CTNNA3: variants seen among roughly 807,000 people sequenced by gnomAD.
CTNNA3 encodes catenin alpha 3, also known as catenin alpha-3.
In CTNNA3, 76 loss-of-function variants were observed where a neutral mutation model predicts 95.7. That is an observed-to-expected ratio of 0.79 (90% CI 0.66 to 0.96). The LOEUF (loss-of-function observed/expected upper bound fraction) is 0.96, where lower values mean the gene tolerates loss of function less well. Ranked by LOEUF, CTNNA3 falls within the 40% of genes least tolerant of loss-of-function variation. The pLI, the probability that CTNNA3 is intolerant of heterozygous loss-of-function variation, is 0.00. For synonymous variants in CTNNA3, 431 were observed against 374.4 expected, an observed-to-expected ratio of 1.15 and a Z score of -1.74; for missense variants, 1,191 against 1,089.8, an observed-to-expected ratio of 1.09 and a Z score of -1.31.
chr10:67,075,170 G>GCGCACACACACA (rs111391840), intron 7 of CTNNA3, among the ~76,000 whole-genome samples: 1 of 149,640 alleles, frequency 6.7e-6, no homozygotes, highest in Non-Finnish European at 1.5e-5. Flanking sequence ...AAGGATTTCT[G>GCGCACACACACA]CACACACACA....
chr10:66,671,715 C>T (rs996549099), intron 9 of CTNNA3, among the ~76,000 whole-genome samples: 1 of 152,156 alleles, frequency 6.6e-6, no homozygotes, highest in African/African-American at 2.4e-5. Flanking sequence ...ATTAAGATCA[C>T]AGGACTCTGA....
At chr10:67,743,118 T>C (rs932972674) in intron 1 of CTNNA3, among the ~76,000 whole-genome samples, 4 of 151,002 alleles carry the variant, frequency 2.6e-5, no homozygotes, top group South Asian at 2.1e-4. Flanking sequence ...TTCCAATCAA[T>C]AGAAAAAGAG....
At chr10:66,951,670 C>T (rs1234797098) in intron 7 of CTNNA3, among the ~76,000 whole-genome samples, 1 of 152,124 alleles carries the variant, frequency 6.6e-6, no homozygotes, top group Non-Finnish European at 1.5e-5. Context: ...TGTTCCTCTC[C>T]ATTAATCCTG....
chr10:66,537,141 A>C lies in CTNNA3; in HGVS notation c.1375-16368T>G, dbSNP rs567005095. Among the ~76,000 whole-genome samples the C allele has an allele frequency of 2.0e-5, 3 of 152,206 alleles. No individual in the cohort carries two copies. In the East Asian group the frequency reaches 5.8e-4, roughly 29 times the overall value. ...ATTTTTTCTGTCCTCTTTCCAAATAACTCGAGTGGTTTCTTCAGTTTGACA... is the reference window on the plus strand; with the variant it reads ...ATTTTTTCTGTCCTCTTTCCAAATACCTCGAGTGGTTTCTTCAGTTTGACA... On this transcript the variant is annotated intron_variant, in intron 10 of 17. Coordinates refer to ENST00000433211, the MANE Select transcript of CTNNA3 (RefSeq NM_013266.4).
chr10:66,891,209 G>A (rs946910875), intron 7 of CTNNA3, among the ~76,000 whole-genome samples: 2 of 152,058 alleles, frequency 1.3e-5, no homozygotes, highest in African/African-American at 4.8e-5. Flanking sequence ...CCATTATGTA[G>A]AAACAAATAT....
At chr10:67,218,531 A>T (rs1046994307) in intron 6 of CTNNA3, among the ~76,000 whole-genome samples, 1 of 152,260 alleles carries the variant, frequency 6.6e-6, no homozygotes, top group African/African-American at 2.4e-5. Flanking sequence ...TCCTCTATCC[A>T]GTCCCGCTCC....
chr10:65,949,591 T>C (rs1408785475), intron 17 of CTNNA3, among the ~76,000 whole-genome samples: 1 of 151,898 alleles, frequency 6.6e-6, no homozygotes, highest in Non-Finnish European at 1.5e-5. Flanking sequence ...CATGGGGAGG[T>C]AGGGCCTGGA....
intron 1 of CTNNA3, among the ~76,000 whole-genome samples, chr10:67,686,156 GAT>G (rs1840726386): frequency 6.6e-6 from 1 of 152,216 alleles, no homozygotes; most frequent in South Asian, 2.1e-4. Flanking sequence ...TGTAGGATTA[GAT>G]AAGCATACTT....
At chr10:66,208,099 C>T (rs777609010) in intron 13 of CTNNA3, among the ~76,000 whole-genome samples, 2 of 151,958 alleles carry the variant, frequency 1.3e-5, no homozygotes, top group Non-Finnish European at 2.9e-5. Context: ...CTCAATTTTC[C>T]AACCCACTTA....
At chr10:66,596,792 C>T (rs1455397008) in intron 10 of CTNNA3, among the ~76,000 whole-genome samples, 1 of 151,934 alleles carries the variant, frequency 6.6e-6, no homozygotes, top group Admixed American at 6.6e-5. Flanking sequence ...AGAAACGCAA[C>T]ACCACCAAAG....
At chr10:66,116,282 A>C (rs1215765576) in intron 13 of CTNNA3, among the ~76,000 whole-genome samples, 2 of 152,202 alleles carry the variant, frequency 1.3e-5, no homozygotes, top group African/African-American at 4.8e-5. Flanking sequence ...AACAAACTTA[A>C]TGTGGAGAAT....
chr10:65,973,906 G>C (rs933319284), intron 16 of CTNNA3, among the ~76,000 whole-genome samples: 5 of 151,994 alleles, frequency 3.3e-5, no homozygotes, highest in African/African-American at 1.2e-4. Flanking sequence ...TGAGATTTGG[G>C]AAGGACAAAT....
intron 7 of CTNNA3, among the ~76,000 whole-genome samples, chr10:66,915,979 C>T (rs1846473325): frequency 6.6e-6 from 1 of 152,068 alleles, no homozygotes; most frequent in South Asian, 2.1e-4. Flanking sequence ...AATCTCTTGA[C>T]CTGGTGATCT....
intron 5 of CTNNA3, among the ~76,000 whole-genome samples, chr10:67,441,548 T>C (rs1846516497): frequency 6.6e-6 from 1 of 151,918 alleles, no homozygotes. Context: ...AAAGAAAGGA[T>C]CCTAAAAGCA....
intron 7 of CTNNA3, chr10:67,098,966 A>T (rs1305315929): frequency 1.3e-5 from 2 of 151,784 alleles, no homozygotes; most frequent in Non-Finnish European, 2.9e-5. Context: ...GCACTACATC[A>T]TTTCTCTCCT....
chr10:65,939,120 T>C (rs2077388902), intron 17 of CTNNA3, among the ~76,000 whole-genome samples: 1 of 152,090 alleles, frequency 6.6e-6, no homozygotes, highest in South Asian at 2.1e-4. Flanking sequence ...TTAGCCAGGA[T>C]GGTCTCCATC....
At chr10:66,708,275 T>A (rs975750197) in intron 9 of CTNNA3, among the ~76,000 whole-genome samples, 2 of 152,024 alleles carry the variant, frequency 1.3e-5, no homozygotes, top group African/African-American at 4.8e-5. Context: ...AACATAAATT[T>A]ATTTTCTCCT....
intron 15 of CTNNA3, among the ~76,000 whole-genome samples, chr10:66,036,912 G>A (rs554319489): frequency 1.7e-3 from 201 of 119,214 alleles, no homozygotes; most frequent in Middle Eastern, 8.9e-3. Context: ...TCGCCCTGTC[G>A]CCCAGGCTGG....
At chr10:65,927,295 T>C (rs2077182448) in intron 17 of CTNNA3, among the ~76,000 whole-genome samples, 1 of 152,216 alleles carries the variant, frequency 6.6e-6, no homozygotes, top group Admixed American at 6.5e-5. Flanking sequence ...GAATAAGCTC[T>C]GAATGATTTA....
Sources: allele counts gnomAD v4.1 joint callset (sites outside exome capture counted in the v4.1 genomes callset), GRCh38; gene constraint gnomAD v4.1.1; transcripts MANE v1.5; gene names NCBI Gene and HGNC (gene_info 2026-07-23, HGNC 2026-07-21).